COQ7: variants seen among roughly 807,000 people sequenced by gnomAD.
COQ7 encodes the protein NADPH-dependent 3-demethoxyubiquinone 3-hydroxylase, mitochondrial.
Under a neutral mutation model 25.0 loss-of-function variants are expected in COQ7, and 21 were observed. That is an observed-to-expected ratio of 0.84 (90% confidence interval 0.60 to 1.21). The LOEUF is 1.21. Ranked by LOEUF, COQ7 falls within the 50% of genes most tolerant of loss-of-function variation. The pLI is 0.00. For missense variants in COQ7, 311 were observed against 296.2 expected (o/e 1.05, Z -0.37); for synonymous variants, 125 against 112.4 (o/e 1.11, Z -0.71).
downstream of COQ7, among the ~76,000 whole-genome samples, chr16:19,082,787 A>G (rs1194158746): frequency 2.1e-5 from 3 of 144,982 alleles, no homozygotes; most frequent in Non-Finnish European, 4.5e-5. Context: ...AATAGTTAAA[A>G]TGGCAAATTT....
intron 1 of COQ7, among the ~76,000 whole-genome samples, chr16:19,070,430 T>C (rs1316303407): frequency 6.6e-6 from 1 of 152,158 alleles, no homozygotes; most frequent in African/African-American, 2.4e-5. Context: ...CCCTAAAACA[T>C]TACAAAGTGA....
chr16:19,075,433 C>A (rs1483703686), intron 3 of COQ7, among the ~76,000 whole-genome samples: 2 of 37,424 alleles, frequency 5.3e-5, no homozygotes, highest in Non-Finnish European at 2.0e-4. Context: ...CTCCTGACCT[C>A]AGGTGATCCG....
At chr16:19,067,909 C>T (rs1962314215) in intron 1 of COQ7, 172 bp downstream of exon 1, 1 of 1,485,690 alleles carries the variant, frequency 6.7e-7, no homozygotes, top group South Asian at 1.4e-5. Context: ...GGGGCGGGGT[C>T]TGTAGTTAGC....
At chr16:19,077,562 C>T (rs1227211514) in intron 5 of COQ7, among the ~76,000 whole-genome samples, 188 bp downstream of exon 5, 3 of 115,360 alleles carry the variant, frequency 2.6e-5, no homozygotes, top group Non-Finnish European at 5.6e-5. Flanking sequence ...TCCTTTCTTG[C>T]TTTATGCCTT....
intron 3 of COQ7, among the ~76,000 whole-genome samples, chr16:19,074,511 C>T (rs574408310): frequency 1.6e-4 from 24 of 151,602 alleles, no homozygotes; most frequent in African/African-American, 4.8e-4. Context: ...GGTGACAGAG[C>T]GACACTCTGT....
In COQ7 at chr16:19,078,283, GGTTT is replaced by G. The variant is rs2142400916; in HGVS notation, c.*130_*133del. ...TGTGAATTTTGTTAATAAATTATAA[GGTTT>G]GTTTTTTTTTTTTTAAACTCTGCAG... On this transcript the variant is annotated 3_prime_UTR_variant, in exon 6 of 6. Coordinates refer to ENST00000321998, the MANE Select transcript of COQ7 (RefSeq NM_016138.5). The G allele has an allele frequency of 2.7e-6, 2 of 734,340 alleles. No homozygotes were observed. Among genetic ancestry groups the G allele is most frequent in the South Asian group, 5.7e-5 (2 of 34,798 alleles). The allele number at this position is 734,340 out of a possible 1,614,324, so 45.5% of individuals were successfully genotyped here. A position where few individuals can be genotyped will look rare whatever the true frequency, so the allele number is the denominator to read the frequency against.
chr16:19,080,784 A>G (rs979404832), downstream of COQ7, among the ~76,000 whole-genome samples: 10 of 152,178 alleles, frequency 6.6e-5, no homozygotes, highest in East Asian at 1.9e-4. Context: ...TGTAAACCAC[A>G]GAAATAACGA....
chr16:19,068,070 GTC>G (rs970366626), intron 1 of COQ7: 9 of 1,190,558 alleles, frequency 7.6e-6, no homozygotes, highest in South Asian at 7.2e-5. Flanking sequence ...GTCTCCGGGA[GTC>G]TCTCTCTTTG....
intron 1 of COQ7, chr16:19,068,564 A>C (rs1449432884): frequency 4.5e-6 from 1 of 222,546 alleles, no homozygotes; most frequent in East Asian, 1.6e-4. Context: ...AGACAGGAGA[A>C]TCGCTTGAAC....
intron 1 of COQ7, among the ~76,000 whole-genome samples, chr16:19,069,980 C>T (rs923671586): frequency 6.6e-6 from 1 of 151,842 alleles, no homozygotes; most frequent in African/African-American, 2.4e-5. Flanking sequence ...GATGGGTTTT[C>T]ACCATTTTGG....
chr16:19,070,169 G>C (rs1221422953), intron 1 of COQ7, among the ~76,000 whole-genome samples: 1 of 152,146 alleles, frequency 6.6e-6, no homozygotes, highest in Non-Finnish European at 1.5e-5. Flanking sequence ...CTATGCTTCA[G>C]AACTTAGGTC....
chr16:19,068,216 G>C (rs1359186811), intron 1 of COQ7: 1 of 1,018,506 alleles, frequency 9.8e-7, no homozygotes, highest in Admixed American at 5.3e-5. Flanking sequence ...TGTGATCTGT[G>C]AACAGGACCT....
intron 4 of COQ7, among the ~76,000 whole-genome samples, chr16:19,076,254 A>AT (rs765074767): frequency 0.049 from 5,909 of 120,686 alleles, 222 homozygotes; most frequent in South Asian, 0.13. Context: ...CTCACAGCTA[A>AT]TTTTTTTTTT....
At position 19,075,770 on chromosome 16, in the gene COQ7, G is replaced by A. The variant is rs1567541938; in HGVS notation, c.417G>A (p.Val139=). The change falls in exon 4 of 6, where the codon GTG becomes GTA. Residue 139 remains valine, a synonymous_variant. Transcript: ENST00000321998. ...AGGAAGGTGCCATGGCCTGCACCGT[G>A]GCGGTGGAAGAGAGCATAGCACATC... ...LGKEGAMACT[V]AVEESIAHHY... 5 of 1,610,332 alleles carry A rather than the reference G, an allele frequency of 3.1e-6. No individual in the cohort carries two copies. The highest frequency in any genetic ancestry group is 4.2e-6 in the Non-Finnish European group (5 of 1,178,232).
rs192893211 is a variant in COQ7 at position 19,072,639 on chromosome 16, C to T, written c.252+533C>T. On this transcript the variant is annotated intron_variant, in intron 2 of 5. Transcript: ENST00000321998. ...GGTTTGGGTAAGGAACCGGGTCTGG[C>T]CCATAAAGGTCAAGTTAGTACAAGT... is the stretch of plus-strand genomic sequence containing the variant. Among the ~76,000 whole-genome samples the T allele has an allele frequency of 1.8e-4, 28 of 152,242 alleles. No homozygotes were observed. The East Asian group carries it at 5.2e-3, about 28-fold the overall frequency.
At position 19,075,836 on chromosome 16, in the gene COQ7, TG is replaced by T; in HGVS notation, c.484del (p.Glu162LysfsTer9). 1.2e-6 allele frequency: 2 copies of T among 1,614,202 alleles called. No homozygotes were observed. The highest frequency in any genetic ancestry group is 1.7e-6 in the Non-Finnish European group (2 of 1,180,032). Reference protein sequence around the residue: ...QIRTLMEEDPEKYEELLQLIK... With the variant: ...QIRTLMEEDPXKYEELLQLIK... ...TCAGGACGCTGATGGAGGAGGACCC[TG>T]AAAAATACGAGGAACTTCTTCAGGT... On this transcript the variant is annotated frameshift_variant, in exon 4 of 6. Transcript: ENST00000321998. LOFTEE classifies it high-confidence loss of function.
In COQ7 at chr16:19,067,727, G is replaced by C. The variant is rs937454369; in HGVS notation, c.63G>C (p.Arg21=). Reference sequence around the variant, plus strand: ...GGCGGCTGCGCCCGGGGGCCCGGCGGTCCCTCTCAGGTAAAAGGAGGCGCG... The same window carrying C: ...GGCGGCTGCGCCCGGGGGCCCGGCGCTCCCTCTCAGGTAAAAGGAGGCGCG... ...RLWRLRPGAR[R]SLSAYGRRTS... is the part of the protein sequence containing the mutation. Residue 21 remains arginine (R), a synonymous_variant, in exon 1 of 6, where the codon CGG becomes CGC. Transcript: ENST00000321998. 6.2e-7 allele frequency: 1 copy of C among 1,604,710 alleles called. No individual in the cohort carries two copies. The highest frequency in any genetic ancestry group is 1.3e-5 in the African/African-American group (1 of 74,520).
chr16:19,078,193 T>C lies in COQ7; in HGVS notation c.*35T>C, dbSNP rs149173028. The C allele has an allele frequency of 7.9e-3, 12,158 of 1,533,804 alleles. 71 individuals are homozygous for C. Among genetic ancestry groups the C allele is most frequent in the Non-Finnish European group, 9.6e-3 (10,681 of 1,117,076 alleles). On this transcript the variant is annotated 3_prime_UTR_variant, in exon 6 of 6. Transcript: ENST00000321998. Reference sequence around the variant, plus strand: ...AGTTTTGCCTGTCTATAAAAGATGATAGTAATTTACCAAGTGACATTTGCA... The same window carrying C: ...AGTTTTGCCTGTCTATAAAAGATGACAGTAATTTACCAAGTGACATTTGCA...
At chr16:19,075,603 A>G in intron 3 of COQ7, 118 bp from the exon 4 acceptor site, 1 of 1,157,144 alleles carries the variant, frequency 8.6e-7, no homozygotes, top group African/African-American at 1.6e-5. Flanking sequence ...AGCCCCTGTC[A>G]CAAAGAATGA....
Sources: allele counts gnomAD v4.1 joint callset (sites outside exome capture counted in the v4.1 genomes callset), GRCh38; gene constraint gnomAD v4.1.1; transcripts MANE v1.5; gene names NCBI Gene and HGNC (gene_info 2026-07-23, HGNC 2026-07-21).